Variants in SOX6 observed in about 807,000 individuals in gnomAD.
SOX6 encodes the protein transcription factor SOX-6.
A neutral mutation model predicts 97.8 loss-of-function variants in SOX6; 11 were observed. The observed-to-expected ratio is 0.11, with a 90% CI of 0.07 to 0.19. The LOEUF is 0.19. SOX6 is among the 10% of genes least tolerant of loss of function. The pLI, the probability that SOX6 is intolerant of heterozygous loss-of-function variation, is 1.00. For synonymous variants in SOX6, 360 were observed against 371.4 expected (o/e 0.97, Z 0.35); for missense variants, 810 against 1,039.5 (o/e 0.78, Z 3.04).
intron 15 of SOX6, among the ~76,000 whole-genome samples, chr11:15,975,946 AT>A (rs1853467053): frequency 6.6e-6 from 1 of 152,184 alleles, no homozygotes; most frequent in Non-Finnish European, 1.5e-5. Flanking sequence ...AAACAAGCAA[AT>A]AAAACATCTG....
chr11:16,105,401 T>G (rs2133986251), intron 7 of SOX6, among the ~76,000 whole-genome samples: 1 of 152,116 alleles, frequency 6.6e-6, no homozygotes, highest in Non-Finnish European at 1.5e-5. Flanking sequence ...ATGAAACCTA[T>G]TTATAAAAAG....
rs528430148 is a variant in SOX6, at chr11:16,485,639, A to G, written n.610-9251T>C. ...CCAGCTACTCGGGAGGCTGAGGCAG[A>G]AGAATCGCTTGAACCCTGGAGGCAG... On this transcript the variant is annotated intron_variant and non_coding_transcript_variant, in intron 4 of 5. Transcript: ENST00000524520. Among the ~76,000 whole-genome samples, 303 of 150,646 alleles carry G rather than the reference A, an allele frequency of 2.0e-3. 2 individuals are homozygous for G. Among genetic ancestry groups the G allele is most frequent in the Middle Eastern group, 0.01 (3 of 288 alleles).
intron 4 of SOX6, 30 bp from the exon 5 acceptor site, chr11:16,186,985 A>G (rs1851496567): frequency 6.2e-7 from 1 of 1,612,822 alleles, no homozygotes; most frequent in Non-Finnish European, 8.5e-7. Flanking sequence ...AGATCTCACA[A>G]GCTTGAGAAA....
At chr11:16,667,196 C>T (rs1160221892) in intron 3 of SOX6, among the ~76,000 whole-genome samples, 1 of 152,054 alleles carries the variant, frequency 6.6e-6, no homozygotes, top group Non-Finnish European at 1.5e-5. Flanking sequence ...ACCGAGATCA[C>T]ACCACTGCTT....
intron 6 of SOX6, among the ~76,000 whole-genome samples, chr11:16,178,526 T>C (rs1486953076): frequency 6.6e-6 from 1 of 151,918 alleles, no homozygotes; most frequent in Non-Finnish European, 1.5e-5. Flanking sequence ...GGCTAATTCA[T>C]GATTGAAGAT....
chr11:16,147,779 C>T (rs1850349807), intron 6 of SOX6, among the ~76,000 whole-genome samples: 1 of 152,140 alleles, frequency 6.6e-6, no homozygotes, highest in African/African-American at 2.4e-5. Flanking sequence ...AAGAGCACAG[C>T]CAGTTTACTA....
intron 4 of SOX6, among the ~76,000 whole-genome samples, chr11:16,192,476 A>C (rs957297179): frequency 6.6e-6 from 1 of 152,206 alleles, no homozygotes; most frequent in African/African-American, 2.4e-5. Context: ...ACACTTTTCA[A>C]AATATAAATA....
At chr11:16,499,371 T>C (rs930823365) in intron 4 of SOX6, among the ~76,000 whole-genome samples, 4 of 151,746 alleles carry the variant, frequency 2.6e-5, no homozygotes, top group African/African-American at 9.7e-5. Flanking sequence ...GATCTAAAAT[T>C]AACACCCTAA....
At chr11:16,181,850 A>G (rs1267915600) in intron 6 of SOX6, among the ~76,000 whole-genome samples, 1 of 151,772 alleles carries the variant, frequency 6.6e-6, no homozygotes, top group Non-Finnish European at 1.5e-5. Flanking sequence ...TCTGACATTG[A>G]CTATCTTTAT....
chr11:16,266,511 TGGG>T (rs1301252126), intron 3 of SOX6, among the ~76,000 whole-genome samples: 2 of 151,598 alleles, frequency 1.3e-5, no homozygotes, highest in African/African-American at 4.8e-5. Flanking sequence ...AACAATAACA[TGGG>T]TGTATATTTA....
chr11:16,206,445 C>A (rs1281170351), intron 4 of SOX6, among the ~76,000 whole-genome samples: 1 of 152,118 alleles, frequency 6.6e-6, no homozygotes, highest in Non-Finnish European at 1.5e-5. Flanking sequence ...TAATAATAAT[C>A]AGACTGAGGA....
intron 3 of SOX6, among the ~76,000 whole-genome samples, chr11:16,657,566 T>C (rs767013089): frequency 3.3e-5 from 5 of 152,234 alleles, no homozygotes; most frequent in Non-Finnish European, 7.4e-5. Flanking sequence ...CAATGAACAA[T>C]GAATGAGAGT....
At chr11:16,024,199 AG>A (rs1855151179) in intron 12 of SOX6, among the ~76,000 whole-genome samples, 1 of 152,164 alleles carries the variant, frequency 6.6e-6, no homozygotes, top group African/African-American at 2.4e-5. Context: ...TACAAGCCAA[AG>A]AGAGAGGCTT....
chr11:16,304,791 G>A (rs572242997), intron 3 of SOX6, among the ~76,000 whole-genome samples: 5 of 152,066 alleles, frequency 3.3e-5, no homozygotes, highest in East Asian at 3.9e-4. Flanking sequence ...AGATAATCAC[G>A]TGATTTGCAA....
intron 6 of SOX6, among the ~76,000 whole-genome samples, chr11:16,148,278 A>G (rs982924097): frequency 6.6e-6 from 1 of 151,922 alleles, no homozygotes; most frequent in Non-Finnish European, 1.5e-5. Context: ...TTTAGTGTAT[A>G]CTCTCTTCTT....
At chr11:16,696,068 T>C (rs905560966) in intron 3 of SOX6, among the ~76,000 whole-genome samples, 2 of 151,610 alleles carry the variant, frequency 1.3e-5, no homozygotes, top group Non-Finnish European at 2.9e-5. Context: ...TACAAAGCCA[T>C]TTAGTTGTAG....
chr11:16,626,289 T>C (rs1481989531), intron 3 of SOX6, among the ~76,000 whole-genome samples: 1 of 152,222 alleles, frequency 6.6e-6, no homozygotes, highest in Non-Finnish European at 1.5e-5. Flanking sequence ...AGATAGCCAG[T>C]TGTTCTGACA....
chr11:15,985,316 TCTC>T (rs559561887), intron 15 of SOX6, among the ~76,000 whole-genome samples: 14 of 152,048 alleles, frequency 9.2e-5, no homozygotes, highest in Non-Finnish European at 1.8e-4. Context: ...GCTCCTCAAT[TCTC>T]CTCCAACTTC....
At chr11:16,644,583 T>TGGG (rs534231257) in intron 3 of SOX6, among the ~76,000 whole-genome samples, 109 of 152,000 alleles carry the variant, frequency 7.2e-4, no homozygotes, top group African/African-American at 2.6e-3. Flanking sequence ...CCAAGGTTAT[T>TGGG]GGGGGGGTAG....
Sources: gnomAD v4.1 joint callset for allele counts (sites outside exome capture counted in the v4.1 genomes callset) on GRCh38, gnomAD v4.1.1 for gene constraint, MANE v1.5 for transcripts, NCBI Gene and HGNC (gene_info 2026-07-23, HGNC 2026-07-21) for gene names.